Variants in RADIL observed in about 807,000 individuals in gnomAD.
RADIL encodes Rap associating with DIL domain, also known as ras-associating and dilute domain-containing protein.
In RADIL, 99 loss-of-function variants were observed where a neutral mutation model predicts 97.6. The observed-to-expected ratio is 1.01, with a 90% CI of 0.86 to 1.20. RADIL has a LOEUF of 1.20. Ranked by LOEUF, RADIL falls within the 50% of genes most tolerant of loss-of-function variation. The pLI, the probability that RADIL is intolerant of heterozygous loss-of-function variation, is 0.00. For missense variants in RADIL, 1,765 were observed against 1,498.9 expected (o/e 1.18, Z -2.93); for synonymous variants, 803 against 691.8 (o/e 1.16, Z -2.52).
rs1397548924 is a variant in RADIL at position 4,818,768 on chromosome 7, C to A, written c.1616-1417G>T. 6.6e-6 allele frequency among the ~76,000 whole-genome samples: 1 copy of A among 152,162 alleles called. No individual in the cohort carries two copies. Among genetic ancestry groups the A allele is most frequent in the Non-Finnish European group, 1.5e-5 (1 of 68,036 alleles). The stretch of plus-strand genomic sequence containing the variant: ...AGGCTGCCAGGTCTGAGAACCCAGC[C>A]CCACATCACTCCCTGGGCAGGGGCG... On this transcript the variant is annotated intron_variant, in intron 6 of 14. Transcript: ENST00000399583. The surrounding 1 kb of genome is among the most constrained non-coding windows in gnomAD (Gnocchi z 7.1).
At chr7:4,861,827 C>T (rs771357174) in intron 2 of RADIL, 9 of 1,281,854 alleles carry the variant, frequency 7.0e-6, no homozygotes, top group Non-Finnish European at 8.9e-6. Context: ...GCGCCCGCCC[C>T]GCCAGGGCAC....
intron 2 of RADIL, among the ~76,000 whole-genome samples, chr7:4,871,868 T>C (rs1478489206): frequency 6.6e-6 from 1 of 152,128 alleles, no homozygotes. Flanking sequence ...GGGGTGGTGT[T>C]CCCAGGCTTT....
In RADIL at chr7:4,879,318, C is replaced by T. The variant is rs370339683; in HGVS notation, c.-64-1115G>A. ...TTCCAGATGGTTTCTCAGTCTCCCT[C>T]CAGAACCTCTGTGGGGGCAGGAGGG... On this transcript the variant is annotated intron_variant, in intron 1 of 14. Transcript: ENST00000399583. This position sits in a 1 kb window ranked among gnomAD's most constrained non-coding sequence, Gnocchi z 4.1. Among the ~76,000 whole-genome samples the T allele has an allele frequency of 2.6e-5, 4 of 152,202 alleles. No individual in the cohort carries two copies. The highest frequency in any genetic ancestry group is 9.6e-5 in the African/African-American group (4 of 41,452).
chr7:4,805,567 T>C lies in RADIL; in HGVS notation c.2289A>G (p.Ser763=), dbSNP rs1467772988. 4 of 1,595,010 alleles carry C rather than the reference T, an allele frequency of 2.5e-6. No individual in the cohort carries two copies. In the African/African-American group the frequency reaches 5.4e-5, roughly 21 times the overall value. The change falls in exon 10 of 15, where the codon TCA becomes TCG. Residue 763 remains serine, a splice_region_variant and synonymous_variant. Transcript: ENST00000399583. ...CTCCTGCCCTGGGGCAGGGCTTACC[T>C]GACCTGAAGGCCTCGGGGCTGTCCT... ...GAQDSPEAFR[S]EDVLESYENP...
chr7:4,805,701 G>A lies in RADIL; in HGVS notation c.2155C>T (p.Leu719=), dbSNP rs1320472484. Residue 719 remains leucine (L), a synonymous_variant, in exon 10 of 15, where the codon CTG becomes TTG. Transcript: ENST00000399583. ...AQLIQMSWTA[L]RAAFPALSPA... is the part of the protein sequence containing the mutation. ...CTCAGTGCGGGGAACGCAGCCCGCA[G>A]GGCTGTCCAGCTCATCTGGGTGACA... 8 of 1,609,934 alleles carry A rather than the reference G, an allele frequency of 5.0e-6. No homozygotes were observed. The highest frequency in any genetic ancestry group is 6.8e-6 in the Non-Finnish European group (8 of 1,179,002).
chr7:4,804,046 T>G, intron 10 of RADIL: 1 of 454,322 alleles, frequency 2.2e-6, no homozygotes, highest in Non-Finnish European at 4.1e-6. Flanking sequence ...GCACTGGGCC[T>G]GTCTCTGCCC....
At chr7:4,804,040 T>C (rs1030919081) in intron 10 of RADIL, 5 of 470,256 alleles carry the variant, frequency 1.1e-5, no homozygotes, top group Admixed American at 9.7e-5. Flanking sequence ...CGCTCTGCAC[T>C]GGGCCTGTCT....
chr7:4,835,693 G>A lies in RADIL; in HGVS notation c.784-454C>T, dbSNP rs1783278809. Among the ~76,000 whole-genome samples the A allele has an allele frequency of 1.3e-5, 2 of 152,166 alleles. No individual in the cohort carries two copies. The highest frequency in any genetic ancestry group is 1.5e-5 in the Non-Finnish European group (1 of 68,022). On this transcript the variant is annotated intron_variant, in intron 3 of 14. Coordinates refer to ENST00000399583, the MANE Select transcript of RADIL (RefSeq NM_018059.5). The surrounding 1 kb of genome is among the most constrained non-coding windows in gnomAD (Gnocchi z 5.8). ...CGAGGGAAGATGCCACCTAAAACCT[G>A]GGCACAGGAGCCCTATGGCTGTAAA...
Position 4,817,112 on chromosome 7 carries a change from G to T in RADIL, c.1728+127C>A. ...CCTGCAGCCACTGCTCCCTGATGAA[G>T]TGGAGCTTGTCACGGTCCCCTCCCT... On this transcript the variant is annotated intron_variant, in intron 7 of 14. Transcript: ENST00000399583. The surrounding 1 kb of genome is among the most constrained non-coding windows in gnomAD (Gnocchi z 8.3). 1 of 760,842 alleles carries T rather than the reference G, an allele frequency of 1.3e-6. No individual in the cohort carries two copies. Among genetic ancestry groups the T allele is most frequent in the Non-Finnish European group, 2.2e-6 (1 of 464,864 alleles). The allele number at this position is 760,842 out of a possible 1,614,324, so 47.1% of individuals were successfully genotyped here.
chr7:4,869,561 T>C (rs537396276), intron 2 of RADIL, among the ~76,000 whole-genome samples: 1 of 151,536 alleles, frequency 6.6e-6, no homozygotes, highest in South Asian at 2.1e-4. Context: ...TCCATATAGC[T>C]GAAGCCAGTT....
At chr7:4,805,849 A>T in intron 9 of RADIL, 133 bp from the exon 10 acceptor site, 8 of 1,405,140 alleles carry the variant, frequency 5.7e-6, no homozygotes. Flanking sequence ...ACCAGGGGCC[A>T]TCTGTGAGGG....
At chr7:4,836,799 G>A (rs376232808) in intron 2 of RADIL, among the ~76,000 whole-genome samples, 194 bp from the exon 3 acceptor site, 1 of 152,122 alleles carries the variant, frequency 6.6e-6, no homozygotes, top group Non-Finnish European at 1.5e-5. Context: ...TGAGTTGGGC[G>A]TGGTGGTGCG....
At chr7:4,827,639 G>T (rs143091970) in intron 5 of RADIL, among the ~76,000 whole-genome samples, 21 of 152,192 alleles carry the variant, frequency 1.4e-4, no homozygotes, top group African/African-American at 4.6e-4. Context: ...CCAGCCTGGG[G>T]GACAGGGCGA....
At chr7:4,811,735 A>C (rs888516644) in intron 9 of RADIL, among the ~76,000 whole-genome samples, 28 of 151,512 alleles carry the variant, frequency 1.8e-4, no homozygotes, top group Non-Finnish European at 2.8e-4. Context: ...GATCCACCCA[A>C]CTCGGCCTCC....
intron 4 of RADIL, among the ~76,000 whole-genome samples, chr7:4,833,726 G>C (rs1007493653): frequency 6.6e-6 from 1 of 152,194 alleles, no homozygotes; most frequent in African/African-American, 2.4e-5. Flanking sequence ...GAGGGTCTCT[G>C]AACGAACTTG....
intron 2 of RADIL, among the ~76,000 whole-genome samples, chr7:4,851,588 C>A (rs919700639): frequency 1.3e-5 from 2 of 152,134 alleles, no homozygotes; most frequent in African/African-American, 4.8e-5. Flanking sequence ...AGGGAGCTCA[C>A]TGAATATGTC....
intron 2 of RADIL, among the ~76,000 whole-genome samples, chr7:4,847,739 CA>C (rs56177809): frequency 0.024 from 577 of 23,786 alleles, 2 homozygotes; most frequent in African/African-American, 0.033. Context: ...AAGCTAGATG[CA>C]AAAAAAAAAA....
At chr7:4,800,573 G>A (rs1470620437) in intron 12 of RADIL, among the ~76,000 whole-genome samples, 1 of 152,140 alleles carries the variant, frequency 6.6e-6, no homozygotes, top group Non-Finnish European at 1.5e-5. Context: ...CCCCTCTGGG[G>A]GCGGCTGTTT....
Position 4,873,057 on chromosome 7 carries a change from A to G in RADIL, c.535+4548T>C, listed in dbSNP as rs987958031. On this transcript the variant is annotated intron_variant, in intron 2 of 14. Transcript: ENST00000399583. The surrounding 1 kb of genome is among the most constrained non-coding windows in gnomAD (Gnocchi z 4.3). ...GGTTCAAGCGATTCTCTGCCTCCCA[A>G]GTAGCTGGGATTACAGGTATGCACC... is the stretch of plus-strand genomic sequence containing the variant. Among the ~76,000 whole-genome samples, 1 of 152,096 alleles carries G rather than the reference A, an allele frequency of 6.6e-6. No individual in the cohort carries two copies. The highest frequency in any genetic ancestry group is 1.5e-5 in the Non-Finnish European group (1 of 67,988).
Sources: gnomAD v4.1 joint callset for allele counts (sites outside exome capture counted in the v4.1 genomes callset) on GRCh38, gnomAD v4.1.1 for gene constraint, Gnocchi (gnomAD v3.1) non-coding constraint, MANE v1.5 for transcripts, NCBI Gene and HGNC (gene_info 2026-07-23, HGNC 2026-07-21) for gene names.